The following CSE1L variants were observed in gnomAD, a reference collection of about 807,000 sequenced individuals.
The protein encoded by CSE1L is exportin-2.
Under a neutral mutation model 120.4 loss-of-function variants are expected in CSE1L, and 24 were observed. That is an observed-to-expected ratio of 0.20 (90% CI 0.14 to 0.28). The LOEUF is 0.28. CSE1L is among the 10% of genes least tolerant of loss of function. CSE1L has a pLI of 1.00. For synonymous variants in CSE1L, 402 were observed against 398.3 expected, an observed-to-expected ratio of 1.01 and a Z score of -0.11; for missense variants, 830 against 1,145.2, an observed-to-expected ratio of 0.72 and a Z score of 3.97.
intron 14 of CSE1L, among the ~76,000 whole-genome samples, chr20:49,079,808 G>C (rs1222316940): frequency 6.6e-6 from 1 of 152,088 alleles, no homozygotes; most frequent in African/African-American, 2.4e-5. Context: ...AGCCAGGCAT[G>C]GTGGCTTGTG....
At chr20:49,082,767 C>T (rs539655576) in intron 14 of CSE1L, among the ~76,000 whole-genome samples, 20 of 152,194 alleles carry the variant, frequency 1.3e-4, no homozygotes, top group African/African-American at 4.3e-4. Context: ...GTGATCCGCC[C>T]GCCTTGGCCT....
At chr20:49,079,715 T>A (rs1842184420) in intron 14 of CSE1L, among the ~76,000 whole-genome samples, 2 of 152,160 alleles carry the variant, frequency 1.3e-5, no homozygotes, top group African/African-American at 2.4e-5. Context: ...AATCCTCATA[T>A]ATGAAAAGCC....
At chr20:49,085,886 TG>T (rs2092052429) in intron 16 of CSE1L, among the ~76,000 whole-genome samples, 1 of 152,148 alleles carries the variant, frequency 6.6e-6, no homozygotes, top group Admixed American at 6.5e-5. Context: ...TAATTTGATA[TG>T]GAACTTCTCA....
intron 14 of CSE1L, among the ~76,000 whole-genome samples, chr20:49,083,793 G>A (rs904498058): frequency 6.6e-6 from 1 of 152,128 alleles, no homozygotes; most frequent in African/African-American, 2.4e-5. Context: ...TGATTTATCT[G>A]CAAGATGTTA....
intron 12 of CSE1L, among the ~76,000 whole-genome samples, chr20:49,075,940 T>C (rs1236466809): frequency 1.3e-5 from 2 of 152,064 alleles, no homozygotes; most frequent in Admixed American, 6.6e-5. Context: ...CGAGCGACTC[T>C]CCTGCCTCAG....
At position 49,085,331 on chromosome 20, in the gene CSE1L, C is replaced by T; in HGVS notation, c.1668C>T (p.Asn556=). 1 of 1,613,912 alleles carries T rather than the reference C, an allele frequency of 6.2e-7. No individual in the cohort carries two copies. Among genetic ancestry groups the T allele is most frequent in the Non-Finnish European group, 8.5e-7 (1 of 1,179,942 alleles). ...IAPFVEILLT[N]LFKALTLPGS... Reference sequence around the variant, plus strand: ...CGTTTGTTGAGATTCTGCTAACAAACCTTTTCAAAGCTCTCACACTTCCTG... The same window carrying T: ...CGTTTGTTGAGATTCTGCTAACAAATCTTTTCAAAGCTCTCACACTTCCTG... Residue 556 remains asparagine (N), a synonymous_variant, in exon 16 of 25, where the codon AAC becomes AAT. Transcript: ENST00000262982.
Position 49,064,894 on chromosome 20 carries a change from C to A in CSE1L, c.229-1298C>A, listed in dbSNP as rs557901647. 5.3e-5 allele frequency among the ~76,000 whole-genome samples: 8 copies of A among 151,416 alleles called. 1 individual carries two copies. The highest frequency in any genetic ancestry group is 1.9e-4 in the African/African-American group (8 of 41,190). On this transcript the variant is annotated intron_variant, in intron 3 of 24. Transcript: ENST00000262982. The stretch of plus-strand genomic sequence containing the variant: ...AGAGGGCTGGGTATGGTGGCTCACA[C>A]CTGTAATCCCAGCACTTTAGGAGGC...
intron 12 of CSE1L, among the ~76,000 whole-genome samples, chr20:49,075,731 G>A (rs2091964064): frequency 6.6e-6 from 1 of 152,160 alleles, no homozygotes; most frequent in South Asian, 2.1e-4. Context: ...GGCCACACTT[G>A]TTACCTTAGC....
intron 1 of CSE1L, among the ~76,000 whole-genome samples, chr20:49,047,617 C>T (rs2091729651): frequency 8.5e-6 from 1 of 118,116 alleles, no homozygotes; most frequent in Non-Finnish European, 1.7e-5. Context: ...CGCTCTGCCT[C>T]CCAGGCTGGA....
intron 13 of CSE1L, 68 bp downstream of exon 13, chr20:49,077,132 C>G: frequency 1.2e-6 from 1 of 842,234 alleles, no homozygotes; most frequent in Non-Finnish European, 1.9e-6. Flanking sequence ...AAACAGCTTC[C>G]TATCCTTGTT....
In CSE1L at chr20:49,050,385, A is replaced by ATTT. The variant is rs1243770980; in HGVS notation, c.-12+3987_-12+3989dup. The stretch of plus-strand genomic sequence containing the variant: ...AGGAGGGTATCACCAAGCCCAGCTA[A>ATTT]TTTTTTTTTTTTTTTTTTTTTTTTT... On this transcript the variant is annotated intron_variant, in intron 1 of 24. Transcript: ENST00000262982. Among the ~76,000 whole-genome samples, 346 of 79,030 alleles carry ATTT rather than the reference A, an allele frequency of 4.4e-3. 26 individuals carry two copies. The highest frequency in any genetic ancestry group is 0.019 in the African/African-American group (327 of 17,474). 51.8% of individuals were successfully genotyped at this position (79,030 alleles called of 152,430 possible). A position where few individuals can be genotyped will look rare whatever the true frequency, so the allele number is the denominator to read the frequency against.
chr20:49,082,775 C>T (rs2092023865), intron 14 of CSE1L, among the ~76,000 whole-genome samples: 1 of 152,132 alleles, frequency 6.6e-6, no homozygotes, highest in African/African-American at 2.4e-5. Context: ...CCCGCCTTGG[C>T]CTCCCAAAGT....
chr20:49,047,288 C>A (rs1213887429), intron 1 of CSE1L, among the ~76,000 whole-genome samples: 2 of 152,050 alleles, frequency 1.3e-5, no homozygotes, highest in East Asian at 3.9e-4. Context: ...TTTGAGGATG[C>A]GCTGAGTTAT....
chr20:49,069,781 C>T (rs2091918991), intron 7 of CSE1L, among the ~76,000 whole-genome samples: 1 of 152,178 alleles, frequency 6.6e-6, no homozygotes, highest in Non-Finnish European at 1.5e-5. Flanking sequence ...GGGACTTGTA[C>T]CCTCATTAAG....
chr20:49,077,015 A>T lies in CSE1L; in HGVS notation c.1371A>T (p.Leu457=), dbSNP rs2091973684. The T allele has an allele frequency of 6.2e-7, 1 of 1,606,968 alleles. No individual in the cohort carries two copies. Among genetic ancestry groups the T allele is most frequent in the African/African-American group, 1.3e-5 (1 of 74,644 alleles). ...GITQANELVN[L]TEFFVNHILP... is the part of the protein sequence containing the mutation. ...CACAAGCAAATGAACTTGTAAACCT[A>T]ACTGAGTTCTTTGTGAATCACATCC... is the stretch of plus-strand genomic sequence containing the variant. Residue 457 remains leucine (L), a synonymous_variant, in exon 13 of 25, where the codon CTA becomes CTT. Coordinates refer to ENST00000262982, the MANE Select transcript of CSE1L (RefSeq NM_001316.4).
At chr20:49,078,685 C>T (rs903011610) in intron 14 of CSE1L, 63 bp downstream of exon 14, 5 of 1,047,772 alleles carry the variant, frequency 4.8e-6, no homozygotes, top group Non-Finnish European at 6.9e-6. Context: ...TATGTACCAC[C>T]TTCTCATCTA....
At chr20:49,053,626 T>C (rs1043752861) in intron 1 of CSE1L, among the ~76,000 whole-genome samples, 7 of 152,120 alleles carry the variant, frequency 4.6e-5, no homozygotes, top group African/African-American at 1.4e-4. Flanking sequence ...GCTGGGATTA[T>C]AGGTGTGAGC....
At chr20:49,095,078 A>T (rs1343455058) in intron 24 of CSE1L, 115 bp downstream of exon 24, 1 of 796,566 alleles carries the variant, frequency 1.3e-6, no homozygotes, top group Non-Finnish European at 2.1e-6. Flanking sequence ...ACTAAATCTC[A>T]TTGAGTTACA....
intron 2 of CSE1L, among the ~76,000 whole-genome samples, chr20:49,061,274 G>A (rs1429125062): frequency 8.1e-6 from 1 of 124,176 alleles, no homozygotes; most frequent in Non-Finnish European, 1.7e-5. Context: ...CCGGGTCCAC[G>A]CCATTCTCCT....
Sources: gnomAD v4.1 joint callset for allele counts (sites outside exome capture counted in the v4.1 genomes callset) on GRCh38, gnomAD v4.1.1 for gene constraint, MANE v1.5 for transcripts, NCBI Gene and HGNC (gene_info 2026-07-23, HGNC 2026-07-21) for gene names.